CRAMP1: variants seen among roughly 807,000 people sequenced by gnomAD.
The protein encoded by CRAMP1 is cramped chromatin regulator 1.
CRAMP1 carries 50 observed loss-of-function variants against 115.4 expected under a neutral mutation model. The ratio of observed to expected loss-of-function variants is 0.43; its 90% CI spans 0.35 to 0.55. The LOEUF (loss-of-function observed/expected upper bound fraction) is 0.55. Among genes scored for constraint, CRAMP1 ranks in the 20% least tolerant of loss-of-function variants. The probability of loss-of-function intolerance (pLI) is 0.01; values close to 1 mark genes in which losing one functional copy is unlikely to be tolerated. For synonymous variants in CRAMP1, 866 were observed against 745.4 expected, an observed-to-expected ratio of 1.16 and a Z score of -2.64; for missense variants, 1,679 against 1,721.7, an observed-to-expected ratio of 0.98 and a Z score of 0.44.
intron 6 of CRAMP1, among the ~76,000 whole-genome samples, chr16:1,646,278 G>A (rs181320130): frequency 3.9e-5 from 6 of 152,328 alleles, no homozygotes; most frequent in African/African-American, 1.4e-4. Context: ...CCCAGGAGGA[G>A]GAGGAGGTGG....
At chr16:1,659,747 GTC>G in intron 10 of CRAMP1, 137 bp from the exon 11 acceptor site, 1 of 818,338 alleles carries the variant, frequency 1.2e-6, no homozygotes. Flanking sequence ...GAGGTTGGGC[GTC>G]TCTGGCCCTG....
intron 18 of CRAMP1, among the ~76,000 whole-genome samples, chr16:1,668,503 G>A (rs1046788960): frequency 2.0e-5 from 3 of 152,316 alleles, no homozygotes; most frequent in Admixed American, 6.5e-5. Context: ...CTGAGCAGGC[G>A]GCCTGGGGTC....
At chr16:1,630,773 A>T (rs528893883) in intron 3 of CRAMP1, among the ~76,000 whole-genome samples, 1 of 152,322 alleles carries the variant, frequency 6.6e-6, no homozygotes, top group East Asian at 1.9e-4. Context: ...GGAGACTCAC[A>T]GCATGTTGGT....
intron 2 of CRAMP1, among the ~76,000 whole-genome samples, chr16:1,624,705 C>A: frequency 6.6e-6 from 1 of 152,150 alleles, no homozygotes; most frequent in East Asian, 1.9e-4. Flanking sequence ...CAGCCCCTCC[C>A]GAGTAGCTGG....
Position 1,670,681 on chromosome 16 carries a change from G to C in CRAMP1, c.3517G>C (p.Glu1173Gln), listed in dbSNP as rs1363980850. 1 of 1,614,012 alleles carries C rather than the reference G, an allele frequency of 6.2e-7. No individual in the cohort carries two copies. The highest frequency in any genetic ancestry group is 2.2e-5 in the East Asian group (1 of 44,872). Residue 1173 changes from glutamate to glutamine, a missense_variant, in exon 20 of 21, where the codon GAG becomes CAG. Physicochemically the swap from Glu to Gln is conservative, Grantham distance 29. Transcript: ENST00000397412. Reference protein sequence around the residue: ...SSLFASFISPEKSRKMLPTPI... With the variant: ...SSLFASFISPQKSRKMLPTPI... ...CTCCGCAGCAAGCTTCATCTCCCCAGAGAAGAGCCGGAAGATGTTGCCGAC... is the reference window on the plus strand; with the variant it reads ...CTCCGCAGCAAGCTTCATCTCCCCACAGAAGAGCCGGAAGATGTTGCCGAC...
At chr16:1,637,708 C>G (rs1286727405) in intron 4 of CRAMP1, 116 bp from the exon 5 acceptor site, 1 of 451,840 alleles carries the variant, frequency 2.2e-6, no homozygotes, top group African/African-American at 2.0e-5. Flanking sequence ...GCTTGCATGA[C>G]AAAGGTACAG....
chr16:1,673,934 T>G lies in CRAMP1; in HGVS notation c.3699T>G (p.Ile1233Met). The change falls in exon 21 of 21, where the codon ATT becomes ATG. Residue 1233 changes from isoleucine to methionine, a missense_variant. Physicochemically the swap from Ile to Met is conservative, Grantham distance 10. Around this residue, in one of 8 missense-constraint regions of CRAMP1, gnomAD observed 709 missense variants for 741.9 expected, o/e 0.96. Transcript: ENST00000397412. Reference sequence around the variant, plus strand: ...TGAACGAAAACAGCATTGATTACATTTCTCGGTTCAATGACCTGGCCCAAG... The same window carrying G: ...TGAACGAAAACAGCATTGATTACATGTCTCGGTTCAATGACCTGGCCCAAG... ...CMMNENSIDY[I>M]SRFNDLAQEL... is the part of the protein sequence containing the mutation. 1 of 1,613,804 alleles carries G rather than the reference T, an allele frequency of 6.2e-7. No homozygotes were observed. The highest frequency in any genetic ancestry group is 8.5e-7 in the Non-Finnish European group (1 of 1,179,830).
Position 1,669,072 on chromosome 16 carries a change from A to G in CRAMP1, c.3406A>G (p.Ser1136Gly). 1 of 1,612,288 alleles carries G rather than the reference A, an allele frequency of 6.2e-7. No individual in the cohort carries two copies. Among genetic ancestry groups the G allele is most frequent in the East Asian group, 2.2e-5 (1 of 44,790 alleles). The stretch of plus-strand genomic sequence containing the variant: ...TTCCAAGAGCCTTCCCTCCCCGTCC[A>G]GCAGCCCCCAGCCACACTGGATCGC... ...DSSKSLPSPS[S>G]SPQPHWIASP... Residue 1136 changes from serine (S) to glycine (G), a missense_variant, in exon 19 of 21, where the codon AGC (serine) becomes GGC (glycine). Physicochemically the swap from Ser to Gly is moderately conservative, Grantham distance 56. Around this residue, in one of 8 missense-constraint regions of CRAMP1, gnomAD observed 709 missense variants for 741.9 expected, o/e 0.96. Coordinates refer to ENST00000397412, the MANE Select transcript of CRAMP1 (RefSeq NM_020825.4). This position sits in a 1 kb window ranked among gnomAD's most constrained non-coding sequence, Gnocchi z 4.6.
chr16:1,632,108 C>CCTGTCT, intron 3 of CRAMP1, 104 bp from the exon 4 acceptor site: 3 of 1,241,788 alleles, frequency 2.4e-6, no homozygotes, highest in Non-Finnish European at 3.3e-6. Flanking sequence ...TTGACTACAG[C>CCTGTCT]CTGTCTCCTT....
intron 3 of CRAMP1, 24 bp from the exon 4 acceptor site, chr16:1,632,188 T>G (rs1773407267): frequency 6.4e-7 from 1 of 1,550,416 alleles, no homozygotes; most frequent in Middle Eastern, 1.7e-4. Context: ...CCCCTCTACA[T>G]TTATCATGGA....
chr16:1,655,093 C>T (rs756227895), intron 8 of CRAMP1, 126 bp from the exon 9 acceptor site: 22 of 758,136 alleles, frequency 2.9e-5, no homozygotes, highest in Non-Finnish European at 4.3e-5. Context: ...CGCCCGCTCC[C>T]GGGTGCCTCT....
At chr16:1,670,614 T>C (rs751228977) in intron 19 of CRAMP1, 50 bp from the exon 20 acceptor site, 6 of 1,604,308 alleles carry the variant, frequency 3.7e-6, no homozygotes, top group African/African-American at 1.3e-5. Context: ...GCTGGACTGG[T>C]CCAGACCAAG....
chr16:1,632,148 C>T (rs2142178148), intron 3 of CRAMP1, 64 bp from the exon 4 acceptor site: 1 of 1,486,962 alleles, frequency 6.7e-7, no homozygotes, highest in South Asian at 1.3e-5. Context: ...GGAAAGGGTC[C>T]AGTTAACACA....
chr16:1,659,824 G>A, intron 10 of CRAMP1, 62 bp from the exon 11 acceptor site: 1 of 1,470,652 alleles, frequency 6.8e-7, no homozygotes, highest in Non-Finnish European at 9.5e-7. Context: ...CTACTCCAGG[G>A]CACGCAAGAG....
At chr16:1,613,097 G>A (rs1016236620) in intron 1 of CRAMP1, among the ~76,000 whole-genome samples, 6 of 152,110 alleles carry the variant, frequency 3.9e-5, no homozygotes, top group Non-Finnish European at 7.4e-5. Flanking sequence ...CCTGGGCAGC[G>A]GGGTTCTCAG....
intron 4 of CRAMP1, among the ~76,000 whole-genome samples, chr16:1,633,609 A>T (rs530824050): frequency 6.6e-6 from 1 of 152,256 alleles, no homozygotes; most frequent in South Asian, 2.1e-4. Flanking sequence ...TCACTTGTTT[A>T]TTTGAAATCT....
chr16:1,666,371 C>A lies in CRAMP1; in HGVS notation c.2858-51C>A. On this transcript the variant is annotated intron_variant, in intron 15 of 20. Coordinates refer to ENST00000397412, the MANE Select transcript of CRAMP1 (RefSeq NM_020825.4). This position sits in a 1 kb window ranked among gnomAD's most constrained non-coding sequence, Gnocchi z 5.0. ...TGTTCCCCGAGCCCTCTTGGGACAT[C>A]TTATGGGTTGTCAGTAGAGCAGAGA... 6.4e-7 allele frequency: 1 copy of A among 1,559,140 alleles called. No homozygotes were observed. The highest frequency in any genetic ancestry group is 8.7e-7 in the Non-Finnish European group (1 of 1,144,738).
Position 1,660,204 on chromosome 16 carries a change from G to A in CRAMP1, c.2413+141G>A, listed in dbSNP as rs1279422055. On this transcript the variant is annotated intron_variant, in intron 11 of 20. Transcript: ENST00000397412. Reference sequence around the variant, plus strand: ...CAGCTCGCCACTATCCAGATGACAGGGTGAAGGTGCAGAATCACTGCCTCC... The same window carrying A: ...CAGCTCGCCACTATCCAGATGACAGAGTGAAGGTGCAGAATCACTGCCTCC... The A allele has an allele frequency of 7.3e-6, 5 of 689,440 alleles. No homozygotes were observed. In the Admixed American group the frequency reaches 1.8e-4, roughly 25 times the overall value. 42.7% of individuals were successfully genotyped at this position (689,440 alleles called of 1,614,324 possible).
At position 1,614,922 on chromosome 16, in the gene CRAMP1, A is replaced by C; in HGVS notation, c.283A>C (p.Arg95=). ...SSVRPQSKRP[R]KDPPSAVGSG... ...CGTGCGGCCGCAGAGCAAGAGGCCCAGGAAGGATCCTCCGAGCGCTGTGGG... is the reference window on the plus strand; with the variant it reads ...CGTGCGGCCGCAGAGCAAGAGGCCCCGGAAGGATCCTCCGAGCGCTGTGGG... Residue 95 remains arginine (R), a synonymous_variant, in exon 2 of 21, where the codon AGG becomes CGG. Coordinates refer to ENST00000397412, the MANE Select transcript of CRAMP1 (RefSeq NM_020825.4). The surrounding 1 kb of genome is among the most constrained non-coding windows in gnomAD (Gnocchi z 4.4). The C allele has an allele frequency of 4.6e-6, 6 of 1,300,594 alleles. No individual in the cohort carries two copies. The highest frequency in any genetic ancestry group is 5.9e-6 in the Non-Finnish European group (6 of 1,025,380). 80.6% of individuals were successfully genotyped at this position (1,300,594 alleles called of 1,614,324 possible).
Sources: allele counts gnomAD v4.1 joint callset (sites outside exome capture counted in the v4.1 genomes callset), GRCh38; gene constraint gnomAD v4.1.1; regional missense constraint gnomAD v4.1.1; non-coding constraint Gnocchi (gnomAD v3.1); transcripts MANE v1.5; gene names NCBI Gene and HGNC (gene_info 2026-07-23, HGNC 2026-07-21).